Variants in SNCAIP observed in about 807,000 individuals in gnomAD.
The protein encoded by SNCAIP is synphilin-1.
A neutral mutation model predicts 86.7 loss-of-function variants in SNCAIP; 43 were observed. The ratio of observed to expected loss-of-function variants is 0.50; its 90% CI spans 0.39 to 0.64. The LOEUF (loss-of-function observed/expected upper bound fraction) is 0.64. Among genes scored for constraint, SNCAIP ranks in the 30% least tolerant of loss-of-function variants. The pLI, the probability that SNCAIP is intolerant of heterozygous loss-of-function variation, is 0.00. For missense variants in SNCAIP, 981 were observed against 1,103.1 expected, an observed-to-expected ratio of 0.89 and a Z score of 1.57; for synonymous variants, 417 against 427.2, an observed-to-expected ratio of 0.98 and a Z score of 0.29.
chr5:122,377,494 CAGAGAGAGAGAG>C (rs3031391), intron 1 of SNCAIP, among the ~76,000 whole-genome samples: 1 of 149,172 alleles, frequency 6.7e-6, no homozygotes, highest in Non-Finnish European at 1.5e-5. Context: ...GGGAGACAGA[CAGAGAGAGAGAG>C]AGAGAGAGAG....
intron 1 of SNCAIP, among the ~76,000 whole-genome samples, chr5:122,315,434 G>A (rs1751509708): frequency 6.6e-6 from 1 of 152,164 alleles, no homozygotes; most frequent in Non-Finnish European, 1.5e-5. Flanking sequence ...AATCACATTA[G>A]CTACTCTCCC....
chr5:122,413,173 A>T lies in SNCAIP; in HGVS notation c.130+9308A>T, dbSNP rs575176312. The stretch of plus-strand genomic sequence containing the variant: ...GAAATACCCTATTTCAGTTAAAATA[A>T]AAAACAAACTCTTTGTTATGGCCAA... On this transcript the variant is annotated intron_variant, in intron 3 of 10. Coordinates refer to ENST00000261368, the MANE Select transcript of SNCAIP (RefSeq NM_005460.4). 7.9e-5 allele frequency among the ~76,000 whole-genome samples: 12 copies of T among 152,340 alleles called. No homozygotes were observed. In the East Asian group the frequency reaches 2.3e-3, roughly 29 times the overall value.
chr5:122,383,058 G>A (rs2152821091), intron 1 of SNCAIP, among the ~76,000 whole-genome samples: 1 of 152,308 alleles, frequency 6.6e-6, no homozygotes, highest in East Asian at 1.9e-4. Flanking sequence ...CTTGAGCTGT[G>A]GTGGGCTCCA....
chr5:122,364,086 C>G (rs1006319825), intron 1 of SNCAIP, among the ~76,000 whole-genome samples: 1 of 152,146 alleles, frequency 6.6e-6, no homozygotes, highest in Non-Finnish European at 1.5e-5. Flanking sequence ...ACCTCAGCTT[C>G]CCAAAGTGCT....
intron 1 of SNCAIP, among the ~76,000 whole-genome samples, chr5:122,319,862 C>T (rs989509807): frequency 3.9e-5 from 6 of 152,156 alleles, no homozygotes; most frequent in South Asian, 2.1e-4. Flanking sequence ...TGGAGGAGAA[C>T]GAGGTTCAGA....
intron 1 of SNCAIP, among the ~76,000 whole-genome samples, chr5:122,379,975 C>G (rs566457623): frequency 6.6e-6 from 1 of 152,038 alleles, no homozygotes; most frequent in East Asian, 1.9e-4. Flanking sequence ...CATCAATGTT[C>G]ATCAAGGGTA....
intron 1 of SNCAIP, among the ~76,000 whole-genome samples, chr5:122,337,672 G>C (rs1165515569): frequency 1.3e-5 from 2 of 152,166 alleles, no homozygotes; most frequent in African/African-American, 4.8e-5. Flanking sequence ...CCAAGAAGCT[G>C]GGACTGCAGG....
chr5:122,323,233 A>T (rs1171098147), intron 1 of SNCAIP: 2 of 152,224 alleles, frequency 1.3e-5, no homozygotes, highest in East Asian at 3.9e-4. Flanking sequence ...AAGCACACTT[A>T]GCCACTGATA....
intron 1 of SNCAIP, chr5:122,369,815 C>T (rs964707286): frequency 2.0e-5 from 3 of 152,174 alleles, no homozygotes; most frequent in African/African-American, 7.2e-5. Context: ...AGGAGCTCCT[C>T]AATGGGACTC....
chr5:122,424,910 T>C (rs1298761019), intron 4 of SNCAIP, among the ~76,000 whole-genome samples: 1 of 152,222 alleles, frequency 6.6e-6, no homozygotes, highest in African/African-American at 2.4e-5. Context: ...TCATGTTGTT[T>C]GCCATAGCCA....
chr5:122,335,278 T>C (rs527626841), intron 1 of SNCAIP, among the ~76,000 whole-genome samples: 1 of 152,324 alleles, frequency 6.6e-6, no homozygotes, highest in South Asian at 2.1e-4. Flanking sequence ...GTGTGACATA[T>C]CTAAGGATTT....
intron 8 of SNCAIP, among the ~76,000 whole-genome samples, chr5:122,445,761 C>T (rs1782168746): frequency 6.8e-6 from 1 of 146,936 alleles, no homozygotes; most frequent in African/African-American, 2.5e-5. Context: ...TTTCACCCAA[C>T]CTTGGTTGGG....
At chr5:122,391,311 G>A in intron 2 of SNCAIP, 120 bp downstream of exon 2, 1 of 789,308 alleles carries the variant, frequency 1.3e-6, no homozygotes, top group Non-Finnish European at 2.2e-6. Context: ...GAAATTCACA[G>A]CAGAAATCCT....
chr5:122,341,055 A>C (rs766265204), intron 1 of SNCAIP, among the ~76,000 whole-genome samples: 1 of 152,200 alleles, frequency 6.6e-6, no homozygotes. Context: ...TTCCCCTTCT[A>C]TTCAACCCCA....
At chr5:122,431,722 A>G (rs1463661151) in intron 5 of SNCAIP, among the ~76,000 whole-genome samples, 1 of 152,204 alleles carries the variant, frequency 6.6e-6, no homozygotes, top group Non-Finnish European at 1.5e-5. Context: ...ACCTTACTAA[A>G]GTGAATTTAA....
intron 10 of SNCAIP, among the ~76,000 whole-genome samples, chr5:122,452,338 T>C (rs1301097314): frequency 6.6e-6 from 1 of 152,198 alleles, no homozygotes; most frequent in Non-Finnish European, 1.5e-5. Flanking sequence ...GTGCTTGCCA[T>C]GCCATTAAAA....
intron 10 of SNCAIP, among the ~76,000 whole-genome samples, chr5:122,460,391 G>A (rs1444506004): frequency 2.0e-5 from 3 of 152,132 alleles, no homozygotes; most frequent in African/African-American, 7.2e-5. Context: ...ATAAATTGTG[G>A]AGCCAGGATT....
intron 1 of SNCAIP, among the ~76,000 whole-genome samples, chr5:122,378,859 G>C (rs903363498): frequency 3.4e-5 from 5 of 145,766 alleles, no homozygotes; most frequent in African/African-American, 1.3e-4. Context: ...TAGATAAGTG[G>C]CGTTATTTCT....
intron 6 of SNCAIP, among the ~76,000 whole-genome samples, chr5:122,439,513 C>A (rs1387947537): frequency 6.6e-6 from 1 of 152,170 alleles, no homozygotes; most frequent in Non-Finnish European, 1.5e-5. Flanking sequence ...GCCCTGTTCC[C>A]CAACATAAGG....
Sources: allele counts gnomAD v4.1 joint callset (sites outside exome capture counted in the v4.1 genomes callset), GRCh38; gene constraint gnomAD v4.1.1; transcripts MANE v1.5; gene names NCBI Gene and HGNC (gene_info 2026-07-23, HGNC 2026-07-21).